Variants in SLC39A9 observed in about 807,000 individuals in gnomAD.
The protein encoded by SLC39A9 is zinc transporter ZIP9.
In SLC39A9, 14 loss-of-function variants were observed where a neutral mutation model predicts 28.4. The ratio of observed to expected loss-of-function variants is 0.49; its 90% CI spans 0.33 to 0.77. The LOEUF (loss-of-function observed/expected upper bound fraction) is 0.77, where lower values mean the gene tolerates loss of function less well. Among genes scored for constraint, SLC39A9 ranks in the 30% least tolerant of loss-of-function variants. SLC39A9 has a pLI of 0.02. For synonymous variants in SLC39A9, 119 were observed against 149.6 expected (o/e 0.80, Z 1.49); for missense variants, 283 against 381.1 (o/e 0.74, Z 2.14).
intron 2 of SLC39A9, chr14:69,441,839 G>C (rs1885064380): frequency 3.9e-6 from 5 of 1,277,206 alleles, no homozygotes; most frequent in African/African-American, 1.5e-5. Flanking sequence ...CAGGTGTTGA[G>C]AATAATAGGC....
chr14:69,399,173 A>C lies in SLC39A9; in HGVS notation c.-197A>C, dbSNP rs559960054. ...TTGCTGTAAGCTTTCTCTGGTGCTA[A>C]TATCAGCAAAAAGGGTCTGTTGCCG... is the stretch of plus-strand genomic sequence containing the variant. On this transcript the variant is annotated 5_prime_UTR_variant, in exon 1 of 7. Coordinates refer to ENST00000336643, the MANE Select transcript of SLC39A9 (RefSeq NM_018375.5). 1.0e-4 allele frequency: 58 copies of C among 579,352 alleles called. No individual in the cohort carries two copies. Among genetic ancestry groups the C allele is most frequent in the South Asian group, 8.9e-4 (41 of 46,120 alleles). 35.9% of individuals were successfully genotyped at this position (579,352 alleles called of 1,614,324 possible).
chr14:69,420,444 T>G (rs1379017000), intron 1 of SLC39A9, among the ~76,000 whole-genome samples: 1 of 152,326 alleles, frequency 6.6e-6, no homozygotes, highest in Non-Finnish European at 1.5e-5. Flanking sequence ...TTTCTTTCAT[T>G]TCAACCTTGG....
In SLC39A9 at chr14:69,450,201, AAAGG is replaced by A. The variant is rs1480483371; in HGVS notation, c.404-3036_404-3033del. 2.0e-5 allele frequency among the ~76,000 whole-genome samples: 3 copies of A among 151,954 alleles called. No individual in the cohort carries two copies. In the East Asian group the frequency reaches 5.8e-4, roughly 29 times the overall value. ...AAGATTCCATCTCAAAATAAAAAAA[AAAGG>A]AAGAAAGGAAGGAAGAGGACCGAGC... is the stretch of plus-strand genomic sequence containing the variant. On this transcript the variant is annotated intron_variant, in intron 3 of 6. Coordinates refer to ENST00000336643, the MANE Select transcript of SLC39A9 (RefSeq NM_018375.5).
intron 1 of SLC39A9, among the ~76,000 whole-genome samples, chr14:69,418,603 T>A (rs890984595): frequency 4.6e-5 from 7 of 152,154 alleles, no homozygotes; most frequent in African/African-American, 1.2e-4. Context: ...AATCTGTACC[T>A]CTGCTAGAAT....
intron 2 of SLC39A9, among the ~76,000 whole-genome samples, chr14:69,431,549 C>G (rs904065613): frequency 6.6e-6 from 1 of 150,466 alleles, no homozygotes; most frequent in South Asian, 2.1e-4. Flanking sequence ...TTTATGGATT[C>G]CCTGTTTCTC....
At chr14:69,455,650 A>G in intron 5 of SLC39A9, 82 bp from the exon 6 acceptor site, 3 of 1,554,036 alleles carry the variant, frequency 1.9e-6, no homozygotes, top group Non-Finnish European at 2.6e-6. Context: ...ATGAGAAATC[A>G]TAGTCAAATG....
intron 2 of SLC39A9, among the ~76,000 whole-genome samples, chr14:69,431,673 A>C (rs762310956): frequency 6.6e-6 from 1 of 151,956 alleles, no homozygotes; most frequent in Non-Finnish European, 1.5e-5. Flanking sequence ...TCACCCAGGC[A>C]CTGAGCATAC....
At position 69,425,270 on chromosome 14, in the gene SLC39A9, T is replaced by G. The variant is rs537645157; in HGVS notation, c.205+1068T>G. Among the ~76,000 whole-genome samples, 4 of 152,306 alleles carry G rather than the reference T, an allele frequency of 2.6e-5. No individual in the cohort carries two copies. In the South Asian group the frequency reaches 8.3e-4, roughly 32 times the overall value. ...AAATACACTCCTAAAACAGGAATAT[T>G]TTTGAGACCTGAGATTTAAATATAC... On this transcript the variant is annotated intron_variant, in intron 2 of 6. Coordinates refer to ENST00000336643, the MANE Select transcript of SLC39A9 (RefSeq NM_018375.5).
chr14:69,450,048 C>T (rs889260460), intron 3 of SLC39A9, among the ~76,000 whole-genome samples: 8 of 152,048 alleles, frequency 5.3e-5, no homozygotes, highest in South Asian at 2.1e-4. Context: ...ATTAGCTGGG[C>T]GCAGTGGCGG....
intron 1 of SLC39A9, among the ~76,000 whole-genome samples, chr14:69,422,208 A>G (rs1257641350): frequency 6.6e-6 from 1 of 152,214 alleles, no homozygotes. Context: ...GTACCATTAA[A>G]TTATTGAAAC....
chr14:69,439,946 G>A (rs1321588067), intron 2 of SLC39A9, among the ~76,000 whole-genome samples: 1 of 152,006 alleles, frequency 6.6e-6, no homozygotes, highest in Non-Finnish European at 1.5e-5. Flanking sequence ...AGGCCCTGAA[G>A]CCGGGGTAAT....
intron 1 of SLC39A9, among the ~76,000 whole-genome samples, chr14:69,413,105 C>G (rs953201211): frequency 3.9e-5 from 6 of 152,100 alleles, no homozygotes; most frequent in Admixed American, 3.3e-4. Context: ...GCCTGTAATC[C>G]CAGCACTTTG....
At chr14:69,432,215 G>A (rs1350204202) in intron 2 of SLC39A9, among the ~76,000 whole-genome samples, 1 of 152,040 alleles carries the variant, frequency 6.6e-6, no homozygotes, top group Non-Finnish European at 1.5e-5. Context: ...CCCTAGCCTT[G>A]CCAGCATGTT....
intron 1 of SLC39A9, 23 bp downstream of exon 1, chr14:69,399,488 T>G: frequency 6.2e-7 from 1 of 1,600,716 alleles, no homozygotes; most frequent in South Asian, 1.1e-5. Context: ...CAATTTTCTG[T>G]CAGCTGTCAG....
chr14:69,414,158 C>G (rs1883442928), intron 1 of SLC39A9, among the ~76,000 whole-genome samples: 2 of 149,410 alleles, frequency 1.3e-5, no homozygotes, highest in Non-Finnish European at 2.9e-5. Context: ...TCAAGCGATT[C>G]TCTCTCAGCC....
At chr14:69,413,121 C>T (rs1883363258) in intron 1 of SLC39A9, among the ~76,000 whole-genome samples, 1 of 152,144 alleles carries the variant, frequency 6.6e-6, no homozygotes, top group Admixed American at 6.5e-5. Flanking sequence ...CTTTGGGAGG[C>T]CGAGGCAGGC....
chr14:69,423,046 C>T (rs764231700), intron 1 of SLC39A9, among the ~76,000 whole-genome samples: 1 of 151,898 alleles, frequency 6.6e-6, no homozygotes, highest in African/African-American at 2.4e-5. Flanking sequence ...TTTTTTTCAT[C>T]GTATGAGTAA....
In SLC39A9 at chr14:69,455,785, G is replaced by C; in HGVS notation, c.612G>C (p.Arg204=). 1 of 1,614,202 alleles carries C rather than the reference G, an allele frequency of 6.2e-7. No individual in the cohort carries two copies. Among genetic ancestry groups the C allele is most frequent in the South Asian group, 1.1e-5 (1 of 91,080 alleles). Residue 204 remains arginine (R), a synonymous_variant, in exon 6 of 7, where the codon CGG becomes CGC. Coordinates refer to ENST00000336643, the MANE Select transcript of SLC39A9 (RefSeq NM_018375.5). The part of the protein sequence containing the change: ...VSFLMHAGLE[R]NRIRKHLLVF... Reference sequence around the variant, plus strand: ...TCTTGATGCATGCTGGCTTAGAGCGGAATCGAATCAGAAAGCACTTGCTGG... The same window carrying C: ...TCTTGATGCATGCTGGCTTAGAGCGCAATCGAATCAGAAAGCACTTGCTGG...
In SLC39A9 at chr14:69,460,408, G is replaced by T. The variant is rs1886062698; in HGVS notation, c.*1815G>T. The T allele has an allele frequency of 1.0e-6, 1 of 985,338 alleles. No individual in the cohort carries two copies. The highest frequency in any genetic ancestry group is 6.1e-5 in the Admixed American group (1 of 16,272). 61.0% of individuals were successfully genotyped at this position (985,338 alleles called of 1,614,324 possible). On this transcript the variant is annotated 3_prime_UTR_variant, in exon 7 of 7. Transcript: ENST00000336643. ...TACTACCAAGAGAAGGTATAGTATG[G>T]AAAGTCCAAATGACTTCCTTGATTG...
Sources: allele counts gnomAD v4.1 joint callset (sites outside exome capture counted in the v4.1 genomes callset), GRCh38; gene constraint gnomAD v4.1.1; transcripts MANE v1.5; gene names NCBI Gene and HGNC (gene_info 2026-07-23, HGNC 2026-07-21).